Variants in IFT80 observed in about 807,000 individuals in gnomAD.
IFT80 encodes the protein intraflagellar transport 80.
A neutral mutation model predicts 107.9 loss-of-function variants in IFT80; 79 were observed. The ratio of observed to expected loss-of-function variants is 0.73; its 90% CI spans 0.61 to 0.88. The LOEUF (loss-of-function observed/expected upper bound fraction) is 0.88, where lower values mean the gene tolerates loss of function less well. Among genes scored for constraint, IFT80 ranks in the 40% least tolerant of loss-of-function variants. The pLI, the probability that IFT80 is intolerant of heterozygous loss-of-function variation, is 0.00. For missense variants in IFT80, 797 were observed against 914.2 expected (o/e 0.87, Z 1.65); for synonymous variants, 299 against 300.9 (o/e 0.99, Z 0.07).
intron 19 of IFT80, among the ~76,000 whole-genome samples, chr3:160,263,475 C>G (rs1476168900): frequency 6.6e-6 from 1 of 152,124 alleles, no homozygotes; most frequent in African/African-American, 2.4e-5. Flanking sequence ...CTTTCAATGA[C>G]TTTTCCCAAC....
intron 5 of IFT80, among the ~76,000 whole-genome samples, chr3:160,373,973 G>C (rs1711772852): frequency 2.0e-5 from 3 of 152,180 alleles, no homozygotes; most frequent in Admixed American, 2.0e-4. Context: ...GGGGACCCCT[G>C]ACATAGACTA....
At chr3:160,296,542 TA>T (rs1213359453) in intron 12 of IFT80, among the ~76,000 whole-genome samples, 3 of 150,954 alleles carry the variant, frequency 2.0e-5, no homozygotes, top group African/African-American at 4.9e-5. Context: ...ATTCTCAGCA[TA>T]TAAACAACTC....
chr3:160,337,627 A>G (rs1441919203), intron 8 of IFT80, among the ~76,000 whole-genome samples: 2 of 152,138 alleles, frequency 1.3e-5, no homozygotes, highest in African/African-American at 4.8e-5. Flanking sequence ...CTGTCTCCAA[A>G]AAAAAAAGGT....
intron 13 of IFT80, among the ~76,000 whole-genome samples, chr3:160,284,933 T>C (rs1441306881): frequency 6.6e-6 from 1 of 152,178 alleles, no homozygotes; most frequent in Non-Finnish European, 1.5e-5. Context: ...TGGTAACTTA[T>C]TTGGTGGAGA....
At chr3:160,374,454 T>G (rs947370408) in intron 5 of IFT80, among the ~76,000 whole-genome samples, 1 of 151,012 alleles carries the variant, frequency 6.6e-6, no homozygotes, top group Non-Finnish European at 1.5e-5. Flanking sequence ...AAATCTTCCA[T>G]GGTGGATAGT....
chr3:160,259,006 G>A lies in IFT80; in HGVS notation c.2224-371C>T, dbSNP rs1712589313. 2.0e-5 allele frequency among the ~76,000 whole-genome samples: 3 copies of A among 152,034 alleles called. No homozygotes were observed. The South Asian group carries it at 6.2e-4, about 32-fold the overall frequency. On this transcript the variant is annotated intron_variant, in intron 19 of 19. Transcript: ENST00000326448. ...ACCTGTAGTCCCAGCTATTAGGGAG[G>A]CTAAGGTGGGAGAATCAACTAAGCC... is the stretch of plus-strand genomic sequence containing the variant.
At chr3:160,321,241 C>G (rs923905874) in intron 8 of IFT80, among the ~76,000 whole-genome samples, 2 of 151,886 alleles carry the variant, frequency 1.3e-5, no homozygotes, top group African/African-American at 4.8e-5. Flanking sequence ...TAATAACCTG[C>G]TTTGGGCGAT....
chr3:160,394,266 T>TTGGGCCACACATAAAATACAC (rs1461075973), intron 1 of IFT80: 4 of 152,292 alleles, frequency 2.6e-5, no homozygotes, highest in Non-Finnish European at 4.4e-5. Context: ...AAGAATTGTC[T>TTGGGCCACACATAAAATACAC]TGGGCCACAC....
chr3:160,384,656 TA>T lies in IFT80; in HGVS notation c.-46-11del. 2 of 1,576,076 alleles carry T rather than the reference TA, an allele frequency of 1.3e-6. No individual in the cohort carries two copies. The highest frequency in any genetic ancestry group is 1.7e-6 in the Non-Finnish European group (2 of 1,150,538). On this transcript the variant is annotated splice_polypyrimidine_tract_variant and intron_variant, in intron 1 of 19. Transcript: ENST00000326448. The stretch of plus-strand genomic sequence containing the variant: ...CACTTGATTGTATTTACTGTAAAAA[TA>T]AAAGGAGAGAAAATATAAAGTCAGC...
intron 2 of IFT80, 58 bp downstream of exon 2, chr3:160,384,506 T>G: frequency 5.0e-6 from 7 of 1,390,454 alleles, no homozygotes; most frequent in Non-Finnish European, 6.8e-6. Context: ...ATAGAGAAAC[T>G]TTTAACAATA....
At chr3:160,284,627 T>C (rs1459661254) in intron 13 of IFT80, among the ~76,000 whole-genome samples, 1 of 152,210 alleles carries the variant, frequency 6.6e-6, no homozygotes, top group Non-Finnish European at 1.5e-5. Flanking sequence ...CAAGAAGATG[T>C]ATATGCAAGG....
chr3:160,348,705 T>C (rs1720466977), intron 8 of IFT80, among the ~76,000 whole-genome samples: 1 of 152,210 alleles, frequency 6.6e-6, no homozygotes, highest in Non-Finnish European at 1.5e-5. Flanking sequence ...CATTAACTGA[T>C]TAATAAACAA....
intron 2 of IFT80, chr3:160,383,972 C>A (rs777863606): frequency 1.0e-6 from 1 of 984,894 alleles, no homozygotes; most frequent in African/African-American, 1.7e-5. Flanking sequence ...TGGCCAGGCG[C>A]GGTGGCTCAT....
chr3:160,394,606 G>A (rs1193844167), intron 1 of IFT80, among the ~76,000 whole-genome samples: 1 of 152,108 alleles, frequency 6.6e-6, no homozygotes, highest in Non-Finnish European at 1.5e-5. Context: ...AAAATTAGCT[G>A]GGCGTGGTGG....
chr3:160,364,998 T>G (rs1314524839), intron 6 of IFT80, among the ~76,000 whole-genome samples: 1 of 132,484 alleles, frequency 7.5e-6, no homozygotes, highest in Non-Finnish European at 1.6e-5. Flanking sequence ...ACTTAAAGTA[T>G]AATTAAAAAA....
At chr3:160,355,824 C>T (rs750238837) in intron 8 of IFT80, among the ~76,000 whole-genome samples, 189 bp downstream of exon 8, 3 of 152,158 alleles carry the variant, frequency 2.0e-5, no homozygotes, top group East Asian at 1.9e-4. Context: ...CGTGCCCATG[C>T]TTCAAACTTA....
At chr3:160,379,625 A>T (rs1018202657) in intron 3 of IFT80, among the ~76,000 whole-genome samples, 8 of 152,220 alleles carry the variant, frequency 5.3e-5, no homozygotes, top group Non-Finnish European at 1.2e-4. Context: ...ATATGGGACA[A>T]AATGTTAAAC....
Position 160,280,619 on chromosome 3 carries a change from TA to T in IFT80, c.1664+47del, listed in dbSNP as rs1559916656. 10 of 1,504,754 alleles carry T rather than the reference TA, an allele frequency of 6.6e-6. No individual in the cohort carries two copies. The South Asian group carries it at 9.0e-5, about 14-fold the overall frequency. 93.2% of individuals were successfully genotyped at this position (1,504,754 alleles called of 1,614,324 possible). A position where few individuals can be genotyped will look rare whatever the true frequency, so the allele number is the denominator to read the frequency against. On this transcript the variant is annotated intron_variant, in intron 15 of 19. Coordinates refer to ENST00000326448, the MANE Select transcript of IFT80 (RefSeq NM_020800.3). ...TAGAAGCCAAAACATGATACTCTAT[TA>T]GAGTTTTATTTACTACAAAACAGAA... is the stretch of plus-strand genomic sequence containing the variant.
intron 1 of IFT80, among the ~76,000 whole-genome samples, chr3:160,397,798 C>T (rs1262575580): frequency 6.6e-6 from 1 of 150,678 alleles, no homozygotes; most frequent in African/African-American, 2.5e-5. Context: ...CTCGGCTCAC[C>T]GCAACCTCCG....
Sources: allele counts gnomAD v4.1 joint callset (sites outside exome capture counted in the v4.1 genomes callset), GRCh38; gene constraint gnomAD v4.1.1; transcripts MANE v1.5; gene names NCBI Gene and HGNC (gene_info 2026-07-23, HGNC 2026-07-21).